Variants in HEPH observed in about 807,000 individuals in gnomAD.
HEPH encodes hephaestin.
A neutral mutation model predicts 80.8 loss-of-function variants in HEPH; 69 were observed. The observed-to-expected ratio is 0.85, with a 90% CI of 0.70 to 1.04. HEPH has a LOEUF of 1.04. Among genes scored for constraint, HEPH ranks in the 50% least tolerant of loss-of-function variants. HEPH has a pLI of 0.00. For synonymous variants in HEPH, 431 were observed against 322.8 expected (o/e 1.34, Z -3.60); for missense variants, 1,115 against 891.3 (o/e 1.25, Z -3.20).
chrX:66,192,230 G>A lies in HEPH; in HGVS notation c.1164G>A (p.Glu388=). The A allele has an allele frequency of 2.5e-6, 3 of 1,211,042 alleles. No homozygotes were observed. The South Asian group carries it at 5.3e-5, about 21-fold the overall frequency. The part of the protein sequence containing the change: ...KVRQYFIEAH[E]IQWDYGPMGH... ...GACAGTACTTCATTGAGGCCCATGA[G>A]ATTCAATGGGACTATGGCCCGATGG... Residue 388 remains glutamate (E), a synonymous_variant, in exon 7 of 21, where the codon GAG becomes GAA. Coordinates refer to ENST00000343002, the MANE Select transcript of HEPH (RefSeq NM_001367233.3).
chrX:66,268,598 A>G (rs2091588254), downstream of HEPH: 1 of 111,830 alleles, frequency 8.9e-6, no homozygotes. Flanking sequence ...AATGGTTATA[A>G]TTTACATGCA....
At chrX:66,205,382 T>G (rs1279056755) in intron 13 of HEPH, among the ~76,000 whole-genome samples, 4 of 111,625 alleles carry the variant, frequency 3.6e-5, no homozygotes, top group African/African-American at 1.3e-4. Flanking sequence ...GCTGAGAAAT[T>G]AATGGCCTCC....
In HEPH at chrX:66,203,594, G is replaced by A. The variant is rs376447391; in HGVS notation, c.2291+17G>A. 9 of 1,179,171 alleles carry A rather than the reference G, an allele frequency of 7.6e-6. No homozygotes were observed. Among genetic ancestry groups the A allele is most frequent in the Non-Finnish European group, 1.0e-5 (9 of 869,373 alleles). On this transcript the variant is annotated intron_variant, in intron 13 of 20. Coordinates refer to ENST00000343002, the MANE Select transcript of HEPH (RefSeq NM_001367233.3). ...GAAGGACAGGTAAGGCTTCATAAATGGAGAGATTACACTTTTAGAAAAACA... is the reference window on the plus strand; with the variant it reads ...GAAGGACAGGTAAGGCTTCATAAATAGAGAGATTACACTTTTAGAAAAACA...
At chrX:66,258,543 G>T (rs1160191489) in intron 17 of HEPH, among the ~76,000 whole-genome samples, 4 of 111,706 alleles carry the variant, frequency 3.6e-5, no homozygotes, top group Non-Finnish European at 7.5e-5. Flanking sequence ...GAAGGATCTT[G>T]TTGGGTGAAG....
At chrX:66,211,821 A>T (rs1022894075) in intron 15 of HEPH, among the ~76,000 whole-genome samples, 6 of 111,418 alleles carry the variant, frequency 5.4e-5, no homozygotes, top group Admixed American at 1.9e-4. Context: ...TATTCCATTG[A>T]TATATTGTTT....
At chrX:66,245,124 T>A (rs1185448174) in intron 15 of HEPH, among the ~76,000 whole-genome samples, 1 of 110,983 alleles carries the variant, frequency 9.0e-6, no homozygotes, top group Admixed American at 9.6e-5. Flanking sequence ...AATTCACACA[T>A]AACAGTATTC....
intron 15 of HEPH, among the ~76,000 whole-genome samples, 169 bp from the exon 16 acceptor site, chrX:66,254,866 G>A (rs1047334172): frequency 9.1e-6 from 1 of 109,386 alleles, no homozygotes; most frequent in Non-Finnish European, 1.9e-5. Flanking sequence ...AAGGTTGAGG[G>A]TGTCCCAGGA....
intron 8 of HEPH, among the ~76,000 whole-genome samples, chrX:66,194,242 G>A (rs72552361): frequency 2.7e-5 from 3 of 111,820 alleles, no homozygotes; most frequent in Non-Finnish European, 3.8e-5. Flanking sequence ...GTGTGTGCCA[G>A]TTGATTCTAG....
At chrX:66,165,885 T>C (rs1569275721) in intron 1 of HEPH, among the ~76,000 whole-genome samples, 1 of 111,831 alleles carries the variant, frequency 8.9e-6, no homozygotes, top group African/African-American at 3.3e-5. Flanking sequence ...CTTCCTGTTC[T>C]TTTTCCTCAT....
chrX:66,263,680 C>A lies in HEPH; in HGVS notation c.3236C>A (p.Thr1079Asn). The A allele has an allele frequency of 8.3e-7, 1 of 1,209,224 alleles. No homozygotes were observed. Among genetic ancestry groups the A allele is most frequent in the Non-Finnish European group, 1.1e-6 (1 of 893,760 alleles). ...CCTCTCACCGTCATCACCAAAGAGA[C>A]TGAAAAAGGTACGTAAAATGATGCA... is the stretch of plus-strand genomic sequence containing the variant. ...LSPLTVITKETEKAVPPRDIE... is the reference protein window; with the variant it reads ...LSPLTVITKENEKAVPPRDIE... Residue 1079 changes from threonine to asparagine, a missense_variant, in exon 20 of 21, where the codon ACT becomes AAT. Physicochemically the swap from Thr to Asn is moderately conservative, Grantham distance 65. Coordinates refer to ENST00000343002, the MANE Select transcript of HEPH (RefSeq NM_001367233.3).
intron 13 of HEPH, 117 bp from the exon 14 acceptor site, chrX:66,207,078 C>CT (rs1240332210): frequency 0.018 from 7,622 of 422,276 alleles, no homozygotes; most frequent in Middle Eastern, 0.021. Flanking sequence ...GGTCCCCCCC[C>CT]TTTTTTTTTT....
chrX:66,202,030 G>C (rs1251118476), intron 12 of HEPH, among the ~76,000 whole-genome samples: 3 of 111,791 alleles, frequency 2.7e-5, no homozygotes. Context: ...CCTTTAACAT[G>C]TGGTTTAGAT....
At chrX:66,257,500 C>T (rs1057273358) in intron 17 of HEPH, among the ~76,000 whole-genome samples, 7 of 112,092 alleles carry the variant, frequency 6.2e-5, no homozygotes, top group African/African-American at 1.9e-4. Context: ...AACCTTAATA[C>T]TAAGAAGGCT....
At chrX:66,168,372 C>T (rs1045141329) in intron 1 of HEPH, among the ~76,000 whole-genome samples, 30 of 111,695 alleles carry the variant, frequency 2.7e-4, no homozygotes, top group Non-Finnish European at 4.5e-4. Flanking sequence ...TATACTTGTC[C>T]GTTTCATGTA....
intron 10 of HEPH, among the ~76,000 whole-genome samples, chrX:66,198,522 C>G (rs767029594): frequency 9.0e-6 from 1 of 110,707 alleles, no homozygotes; most frequent in Non-Finnish European, 1.9e-5. Context: ...TTCTAGTTTC[C>G]CCCCAAGACC....
intron 15 of HEPH, among the ~76,000 whole-genome samples, chrX:66,240,949 T>C (rs1443362205): frequency 8.9e-6 from 1 of 112,010 alleles, no homozygotes; most frequent in Admixed American, 9.5e-5. Context: ...CCCAGCATTT[T>C]GGGAGGCCAA....
intron 4 of HEPH, among the ~76,000 whole-genome samples, chrX:66,175,596 G>A (rs1168227347): frequency 9.0e-6 from 1 of 111,468 alleles, no homozygotes; most frequent in Non-Finnish European, 1.9e-5. Context: ...ATTGCTTTTG[G>A]CAGTGTGGTT....
In HEPH at chrX:66,203,577, G is replaced by A. The variant is rs1484004192; in HGVS notation, c.2291G>A (p.Ser764Asn). Reference sequence around the variant, plus strand: ...TGGCACAACCAGTCTGAGAAGGACAGGTAAGGCTTCATAAATGGAGAGATT... The same window carrying A: ...TGGCACAACCAGTCTGAGAAGGACAAGTAAGGCTTCATAAATGGAGAGATT... ...REWHNQSEKDSYGYIFLSNKD... is the reference protein window; with the variant it reads ...REWHNQSEKDNYGYIFLSNKD... Residue 764 changes from serine to asparagine, a missense_variant and splice_region_variant, in exon 13 of 21, where the codon AGT becomes AAT. Around this residue, in one of 3 missense-constraint regions of HEPH, gnomAD observed 716 missense variants for 523.5 expected, o/e 1.37. Coordinates refer to ENST00000343002, the MANE Select transcript of HEPH (RefSeq NM_001367233.3). 4 of 1,202,322 alleles carry A rather than the reference G, an allele frequency of 3.3e-6. No homozygotes were observed. The Admixed American group carries it at 8.8e-5, about 27-fold the overall frequency.
chrX:66,218,498 C>A (rs886255781), intron 15 of HEPH, among the ~76,000 whole-genome samples: 2 of 111,668 alleles, frequency 1.8e-5, no homozygotes, highest in African/African-American at 3.3e-5. Context: ...TTGACATGAG[C>A]AATAATAGTG....
Sources: allele counts gnomAD v4.1 joint callset (sites outside exome capture counted in the v4.1 genomes callset), GRCh38; gene constraint gnomAD v4.1.1; regional missense constraint gnomAD v4.1.1; transcripts MANE v1.5; gene names NCBI Gene and HGNC (gene_info 2026-07-23, HGNC 2026-07-21).